Variants in SLC5A10 observed in about 807,000 individuals in gnomAD.
SLC5A10 encodes the protein solute carrier family 5 member 10, also known as sodium/mannose cotransporter SLC5A10.
A neutral mutation model predicts 68.9 loss-of-function variants in SLC5A10; 55 were observed. The observed-to-expected ratio is 0.80, with a 90% CI of 0.64 to 1.00. SLC5A10 has a LOEUF of 1.00. Among genes scored for constraint, SLC5A10 ranks in the 50% least tolerant of loss-of-function variants. The pLI is 0.00. For synonymous variants in SLC5A10, 344 were observed against 344.8 expected (o/e 1.00, Z 0.02); for missense variants, 732 against 819.3 (o/e 0.89, Z 1.30).
Position 18,957,483 on chromosome 17 carries a change from A to C in SLC5A10, c.112-1199A>C, listed in dbSNP as rs192797959. 6.8e-4 allele frequency among the ~76,000 whole-genome samples: 103 copies of C among 152,130 alleles called. 1 individual carries two copies. Among genetic ancestry groups the C allele is most frequent in the African/African-American group, 2.4e-3 (98 of 41,502 alleles). ...TTATTTTATTTTATTTTATTTATTT[A>C]TTTTGAGACGGAGCCTTGCTCTGTC... On this transcript the variant is annotated intron_variant, in intron 1 of 14. Transcript: ENST00000395645.
Position 19,020,541 on chromosome 17 carries a change from A to T in SLC5A10, c.*110A>T. On this transcript the variant is annotated 3_prime_UTR_variant, in exon 15 of 15. Coordinates refer to ENST00000395645, the MANE Select transcript of SLC5A10 (RefSeq NM_001042450.4). ...GGGCAGATTCCCCTCACAGCTGCACAGCAGCTCGGTGCCCAAGAACTGGCC... is the reference window on the plus strand; with the variant it reads ...GGGCAGATTCCCCTCACAGCTGCACTGCAGCTCGGTGCCCAAGAACTGGCC... 29 of 1,018,160 alleles carry T rather than the reference A, an allele frequency of 2.8e-5. No homozygotes were observed. The highest frequency in any genetic ancestry group is 4.0e-5 in the Non-Finnish European group (28 of 694,478). 63.1% of individuals were successfully genotyped at this position (1,018,160 alleles called of 1,614,324 possible).
At chr17:18,977,100 C>T (rs2042999953) in intron 9 of SLC5A10, 111 bp downstream of exon 9, 12 of 1,472,544 alleles carry the variant, frequency 8.1e-6, no homozygotes, top group South Asian at 3.8e-5. Context: ...TGAACTGTTC[C>T]CCAACCTGGG....
chr17:19,012,611 A>AGGCAGTCCTCAGGCGAGGCCTGG (rs985653295), intron 9 of SLC5A10, among the ~76,000 whole-genome samples: 3 of 152,214 alleles, frequency 2.0e-5, no homozygotes, highest in Non-Finnish European at 4.4e-5. Context: ...TTCGGGAAGG[A>AGGCAGTCCTCAGGCGAGGCCTGG]GGCAGTCCTC....
At chr17:18,993,088 G>A (rs529639476) in intron 9 of SLC5A10, among the ~76,000 whole-genome samples, 34 of 152,302 alleles carry the variant, frequency 2.2e-4, no homozygotes, top group Middle Eastern at 3.4e-3. Context: ...GCCTGGTTCC[G>A]AGCATGGTGG....
rs529758033 is a variant in SLC5A10, at chr17:19,020,561, C to G, written c.*130C>G. The G allele has an allele frequency of 1.3e-4, 107 of 808,052 alleles. No homozygotes were observed. The African/African-American group carries it at 1.7e-3, about 13-fold the overall frequency. 50.1% of individuals were successfully genotyped at this position (808,052 alleles called of 1,614,324 possible). A position where few individuals can be genotyped will look rare whatever the true frequency, so the allele number is the denominator to read the frequency against. ...TGCACAGCAGCTCGGTGCCCAAGAA[C>G]TGGCCAAGCCAGCAAAGCGGGAGCC... On this transcript the variant is annotated 3_prime_UTR_variant, in exon 15 of 15. Transcript: ENST00000395645.
intron 9 of SLC5A10, chr17:18,978,819 T>C: frequency 6.2e-7 from 1 of 1,612,688 alleles, no homozygotes; most frequent in Non-Finnish European, 8.5e-7. Context: ...GAGATCACAT[T>C]CCGGTCCGTC....
At chr17:18,987,333 G>A (rs1219000072) in intron 9 of SLC5A10, among the ~76,000 whole-genome samples, 3 of 152,356 alleles carry the variant, frequency 2.0e-5, no homozygotes, top group African/African-American at 7.2e-5. Flanking sequence ...TATCCCACTA[G>A]GCTGTTGTGA....
At chr17:18,977,104 A>G in intron 9 of SLC5A10, 115 bp downstream of exon 9, 7 of 1,396,478 alleles carry the variant, frequency 5.0e-6, no homozygotes, top group African/African-American at 1.4e-5. Context: ...CTGTTCCCCA[A>G]CCTGGGGAGT....
chr17:19,002,855 C>T (rs2043766115), intron 9 of SLC5A10, among the ~76,000 whole-genome samples: 1 of 152,166 alleles, frequency 6.6e-6, no homozygotes, highest in Non-Finnish European at 1.5e-5. Flanking sequence ...CTTGAGGTCC[C>T]TTCCGGTGGC....
chr17:18,978,675 C>A, intron 9 of SLC5A10: 2 of 1,613,002 alleles, frequency 1.2e-6, no homozygotes, highest in Non-Finnish European at 1.7e-6. Context: ...AGGGGGACCA[C>A]AGAGGGCAGC....
intron 8 of SLC5A10, among the ~76,000 whole-genome samples, chr17:18,975,460 C>T (rs2042953056): frequency 1.3e-5 from 2 of 152,084 alleles, no homozygotes; most frequent in Admixed American, 6.5e-5. Context: ...GAGGCCGAGG[C>T]GGGCAGATCA....
rs1308523362 is a variant in SLC5A10, at chr17:19,021,693, C to T, written c.*1262C>T. On this transcript the variant is annotated 3_prime_UTR_variant, in exon 15 of 15. Transcript: ENST00000395645. The surrounding 1 kb of genome is among the most constrained non-coding windows in gnomAD (Gnocchi z 4.1). ...AGGAGGTGGGCGGGGCCTCCACAGA[C>T]TCCGCCCTGTGGTGTCACACAGCTG... The T allele has an allele frequency of 5.0e-6, 2 of 400,800 alleles. No individual in the cohort carries two copies. The highest frequency in any genetic ancestry group is 4.1e-5 in the African/African-American group (2 of 48,614). 24.8% of individuals were successfully genotyped at this position (400,800 alleles called of 1,614,324 possible). A position where few individuals can be genotyped will look rare whatever the true frequency, so the allele number is the denominator to read the frequency against.
Position 18,968,868 on chromosome 17 carries a change from A to G in SLC5A10, c.454-184A>G. 3.4e-6 allele frequency: 2 copies of G among 595,284 alleles called. No individual in the cohort carries two copies. Among genetic ancestry groups the G allele is most frequent in the Non-Finnish European group, 3.0e-6 (1 of 337,774 alleles). The allele number at this position is 595,284 out of a possible 1,614,324, so 36.9% of individuals were successfully genotyped here. A position where few individuals can be genotyped will look rare whatever the true frequency, so the allele number is the denominator to read the frequency against. Reference sequence around the variant, plus strand: ...GACATCCGCACAAGCTTGTAGCTCCACGGCCAGGTCTTCCCCCAACCTCAC... The same window carrying G: ...GACATCCGCACAAGCTTGTAGCTCCGCGGCCAGGTCTTCCCCCAACCTCAC... On this transcript the variant is annotated intron_variant, in intron 5 of 14. Coordinates refer to ENST00000395645, the MANE Select transcript of SLC5A10 (RefSeq NM_001042450.4). This position sits in a 1 kb window ranked among gnomAD's most constrained non-coding sequence, Gnocchi z 4.1.
intron 9 of SLC5A10, among the ~76,000 whole-genome samples, chr17:19,002,829 G>C (rs1386789241): frequency 1.3e-5 from 2 of 152,298 alleles, no homozygotes; most frequent in East Asian, 3.9e-4. Flanking sequence ...GTGGAGAAGG[G>C]GAGGGCCAGA....
At chr17:18,970,671 G>A (rs564323650) in intron 7 of SLC5A10, 13 of 315,578 alleles carry the variant, frequency 4.1e-5, no homozygotes, top group African/African-American at 1.9e-4. Flanking sequence ...TCCTTGAATC[G>A]ACAATCGGAA....
At chr17:18,967,551 A>G (rs2042736931) in intron 5 of SLC5A10, among the ~76,000 whole-genome samples, 1 of 152,198 alleles carries the variant, frequency 6.6e-6, no homozygotes, top group Admixed American at 6.5e-5. Flanking sequence ...GCGTGGCCAG[A>G]GCCAAAGACC....
At chr17:18,993,179 C>T (rs1013436024) in intron 9 of SLC5A10, among the ~76,000 whole-genome samples, 10 of 152,120 alleles carry the variant, frequency 6.6e-5, no homozygotes, top group Non-Finnish European at 1.2e-4. Flanking sequence ...TGACCCCTCT[C>T]CCCGACGCTT....
intron 5 of SLC5A10, among the ~76,000 whole-genome samples, chr17:18,965,026 C>A (rs2042681680): frequency 6.6e-6 from 1 of 151,668 alleles, no homozygotes; most frequent in African/African-American, 2.4e-5. Flanking sequence ...CACCTGTAAT[C>A]CCAGCTACTC....
intron 9 of SLC5A10, among the ~76,000 whole-genome samples, chr17:18,979,981 C>T (rs940454313): frequency 6.6e-6 from 1 of 152,168 alleles, no homozygotes; most frequent in South Asian, 2.1e-4. Context: ...AAGGCTTACA[C>T]AGCCAGCCAG....
Sources: allele counts gnomAD v4.1 joint callset (sites outside exome capture counted in the v4.1 genomes callset), GRCh38; gene constraint gnomAD v4.1.1; non-coding constraint Gnocchi (gnomAD v3.1); transcripts MANE v1.5; gene names NCBI Gene and HGNC (gene_info 2026-07-23, HGNC 2026-07-21).